The following NHSL1 variants were observed in gnomAD, a reference collection of about 807,000 sequenced individuals.
The protein encoded by NHSL1 is NHS like 1, also known as NHS-like protein 1.
NHSL1 carries 48 observed loss-of-function variants against 95.0 expected under a neutral mutation model. That is an observed-to-expected ratio of 0.51 (90% CI 0.40 to 0.64). The LOEUF (loss-of-function observed/expected upper bound fraction) is 0.64, where lower values mean the gene tolerates loss of function less well. Among genes scored for constraint, NHSL1 ranks in the 30% least tolerant of loss-of-function variants. NHSL1 has a pLI of 0.00. For missense variants in NHSL1, 1,971 were observed against 2,077.7 expected (o/e 0.95, Z 1.00); for synonymous variants, 783 against 833.9 (o/e 0.94, Z 1.05).
rs749650141 is a variant in NHSL1 at position 138,430,396 on chromosome 6, C to A, written c.3949G>T (p.Ala1317Ser). 5 of 1,473,400 alleles carry A rather than the reference C, an allele frequency of 3.4e-6. No individual in the cohort carries two copies. Among genetic ancestry groups the A allele is most frequent in the African/African-American group, 2.8e-5 (2 of 70,968 alleles). The allele number at this position is 1,473,400 out of a possible 1,614,324, so 91.3% of individuals were successfully genotyped here. A position where few individuals can be genotyped will look rare whatever the true frequency, so the allele number is the denominator to read the frequency against. ...GAAGCCAGGAAGCCAGACTCACCTGCTCCGTCCTGTTGAGATAGGCAGCTC... is the reference window on the plus strand; with the variant it reads ...GAAGCCAGGAAGCCAGACTCACCTGATCCGTCCTGTTGAGATAGGCAGCTC... ...GESCLSQQDG[A>S]AGVPETNAAG... is the part of the protein sequence containing the mutation. Residue 1317 changes from alanine (A) to serine (S), a missense_variant, in exon 6 of 8, where the codon GCA (alanine) becomes TCA (serine). Transcript: ENST00000343505. The surrounding 1 kb of genome is among the most constrained non-coding windows in gnomAD (Gnocchi z 4.7).
chr6:138,427,110 G>C (rs1178725357), intron 7 of NHSL1, among the ~76,000 whole-genome samples: 1 of 152,172 alleles, frequency 6.6e-6, no homozygotes, highest in African/African-American at 2.4e-5. Flanking sequence ...GGTATTGGCT[G>C]GTGACTTAAT....
chr6:138,545,772 C>G, upstream of NHSL1: 5 of 1,204,950 alleles, frequency 4.1e-6, no homozygotes, highest in Non-Finnish European at 4.2e-6. Context: ...GCCTGTTACT[C>G]CAGGAAGCCA....
At chr6:138,539,034 C>A (rs959802233) in intron 1 of NHSL1, among the ~76,000 whole-genome samples, 9 of 151,880 alleles carry the variant, frequency 5.9e-5, no homozygotes, top group Admixed American at 3.3e-4. Flanking sequence ...GTAACAACAA[C>A]AAAAAAAGTT....
intron 1 of NHSL1, among the ~76,000 whole-genome samples, chr6:138,690,204 GAAC>G (rs965480909): frequency 6.6e-6 from 1 of 152,180 alleles, no homozygotes; most frequent in Non-Finnish European, 1.5e-5. Flanking sequence ...TAAAATGGCA[GAAC>G]AACTTCAAAC....
rs1392603643 is a variant in NHSL1, at chr6:138,692,338, G to A, written c.96+138C>T. ...CTGCCCAGCCTCCCGCTGGGGTCCGGCAGTCCCCACTGGAGACCCCGACAT... is the reference window on the plus strand; with the variant it reads ...CTGCCCAGCCTCCCGCTGGGGTCCGACAGTCCCCACTGGAGACCCCGACAT... On this transcript the variant is annotated intron_variant, in intron 1 of 3. Coordinates refer to the NHSL1 transcript ENST00000491526. This position sits in a 1 kb window ranked among gnomAD's most constrained non-coding sequence, Gnocchi z 4.0. 1.6e-5 allele frequency: 6 copies of A among 366,552 alleles called. No individual in the cohort carries two copies. Among genetic ancestry groups the A allele is most frequent in the African/African-American group, 1.1e-4 (5 of 46,984 alleles). 22.7% of individuals were successfully genotyped at this position (366,552 alleles called of 1,614,324 possible). A position where few individuals can be genotyped will look rare whatever the true frequency, so the allele number is the denominator to read the frequency against.
At chr6:138,600,361 G>A (rs1225440294) in intron 1 of NHSL1, among the ~76,000 whole-genome samples, 1 of 152,146 alleles carries the variant, frequency 6.6e-6, no homozygotes, top group Non-Finnish European at 1.5e-5. Flanking sequence ...AGCCTCCTAA[G>A]TAGTTGGGAC....
At chr6:138,449,706 G>A (rs888908655) in intron 3 of NHSL1, among the ~76,000 whole-genome samples, 2 of 151,986 alleles carry the variant, frequency 1.3e-5, no homozygotes, top group African/African-American at 4.8e-5. Context: ...GGATATGGAG[G>A]TGGTGCTGAT....
intron 1 of NHSL1, among the ~76,000 whole-genome samples, chr6:138,587,467 C>A (rs1342580604): frequency 6.9e-6 from 1 of 144,208 alleles, no homozygotes; most frequent in Admixed American, 7.0e-5. Flanking sequence ...CCTGCAATCC[C>A]AGCTACTCGG....
chr6:138,496,391 AT>A lies in NHSL1; in HGVS notation c.59-21del, dbSNP rs376723036. The A allele has an allele frequency of 1.9e-4, 287 of 1,549,364 alleles. 1 individual carries two copies. The African/African-American group carries it at 3.1e-3, about 17-fold the overall frequency. On this transcript the variant is annotated intron_variant, in intron 1 of 7. Coordinates refer to ENST00000343505, the MANE Select transcript of NHSL1 (RefSeq NM_001144060.2). ...AAACCGCTATAGAAAAAAAGATAGAATACATTCAGGTGTCAACTTCATTGGC... is the reference window on the plus strand; with the variant it reads ...AAACCGCTATAGAAAAAAAGATAGAAACATTCAGGTGTCAACTTCATTGGC...
intron 1 of NHSL1, among the ~76,000 whole-genome samples, chr6:138,577,756 T>G (rs944028403): frequency 6.6e-6 from 1 of 152,188 alleles, no homozygotes; most frequent in Non-Finnish European, 1.5e-5. Context: ...TACACTTAAA[T>G]GGAAATCTTT....
Position 138,464,145 on chromosome 6 carries a change from G to A in NHSL1, c.339+9161C>T, listed in dbSNP as rs144849551. 39 of 580,342 alleles carry A rather than the reference G, an allele frequency of 6.7e-5. 1 individual carries two copies. The highest frequency in any genetic ancestry group is 9.6e-5 in the African/African-American group (5 of 52,346). 35.9% of individuals were successfully genotyped at this position (580,342 alleles called of 1,614,324 possible). On this transcript the variant is annotated intron_variant, in intron 3 of 7. Coordinates refer to ENST00000343505, the MANE Select transcript of NHSL1 (RefSeq NM_001144060.2). Reference sequence around the variant, plus strand: ...GCTATCTGGTCCTCGATCTCACTCCGTTGTTTCTGATGGGAAGCAGTACAG... The same window carrying A: ...GCTATCTGGTCCTCGATCTCACTCCATTGTTTCTGATGGGAAGCAGTACAG...
At position 138,424,241 on chromosome 6, in the gene NHSL1, C is replaced by A; in HGVS notation, c.4661G>T (p.Gly1554Val). 1 of 1,506,408 alleles carries A rather than the reference C, an allele frequency of 6.6e-7. No homozygotes were observed. Among genetic ancestry groups the A allele is most frequent in the Non-Finnish European group, 8.9e-7 (1 of 1,127,636 alleles). The allele number at this position is 1,506,408 out of a possible 1,614,324, so 93.3% of individuals were successfully genotyped here. ...LGAAEGCSLD[G>V]LAREEMDEGG... is the part of the protein sequence containing the mutation. ...CTCGTCCATCTCCTCCCTCGCCAGTCCGTCCAGGGAACATCCCTCCGCAGC... is the reference window on the plus strand; with the variant it reads ...CTCGTCCATCTCCTCCCTCGCCAGTACGTCCAGGGAACATCCCTCCGCAGC... The change falls in exon 8 of 8, where the codon GGA (glycine) becomes GTA (valine). Residue 1554 changes from glycine (G) to valine (V), a missense_variant. Physicochemically the swap from Gly to Val is moderately radical, Grantham distance 109 (BLOSUM62 -3). Around this residue, in one of 3 missense-constraint regions of NHSL1, gnomAD observed 223 missense variants for 217.0 expected, o/e 1.03. Coordinates refer to ENST00000343505, the MANE Select transcript of NHSL1 (RefSeq NM_001144060.2). This position sits in a 1 kb window ranked among gnomAD's most constrained non-coding sequence, Gnocchi z 5.9.
At chr6:138,574,185 C>T (rs978195333), upstream of NHSL1, among the ~76,000 whole-genome samples, 2 of 152,158 alleles carry the variant, frequency 1.3e-5, no homozygotes, top group African/African-American at 4.8e-5. Flanking sequence ...CCTGCCTTGG[C>T]CTCCCAAGGT....
At chr6:138,630,220 A>G (rs1266498345) in intron 1 of NHSL1, among the ~76,000 whole-genome samples, 2 of 150,952 alleles carry the variant, frequency 1.3e-5, no homozygotes, top group Non-Finnish European at 2.9e-5. Context: ...GCCCACTCCC[A>G]CCAAAAAAAA....
At chr6:138,658,053 C>T (rs1274254804) in intron 1 of NHSL1, among the ~76,000 whole-genome samples, 4 of 151,936 alleles carry the variant, frequency 2.6e-5, no homozygotes, top group Admixed American at 6.6e-5. Flanking sequence ...AGCCATCTCC[C>T]GAAAATGAAG....
intron 7 of NHSL1, among the ~76,000 whole-genome samples, chr6:138,425,532 C>A (rs1486651202): frequency 6.6e-6 from 1 of 152,198 alleles, no homozygotes; most frequent in African/African-American, 2.4e-5. Context: ...TCCACCCTCC[C>A]TATTTGAAAC....
At chr6:138,533,924 T>C (rs751841549) in intron 1 of NHSL1, among the ~76,000 whole-genome samples, 1 of 152,210 alleles carries the variant, frequency 6.6e-6, no homozygotes, top group Non-Finnish European at 1.5e-5. Context: ...TGAGACTCAT[T>C]TGTTCTGAAT....
intron 4 of NHSL1, among the ~76,000 whole-genome samples, chr6:138,442,459 T>C (rs1041124376): frequency 1.3e-5 from 2 of 152,232 alleles, no homozygotes; most frequent in African/African-American, 4.8e-5. Flanking sequence ...CCAAAACCAC[T>C]CTACATTAGC....
At chr6:138,644,545 GAAAAAGTCATCTGTATTGAAAAGTTTAA>G (rs1424806003) in intron 1 of NHSL1, among the ~76,000 whole-genome samples, 1 of 152,076 alleles carries the variant, frequency 6.6e-6, no homozygotes, top group Non-Finnish European at 1.5e-5. Context: ...TCACATAGTT[GAAAAAGTCATCTGTATTGAAAAGTTTAA>G]AAACATAAAA....
Sources: gnomAD v4.1 joint callset for allele counts (sites outside exome capture counted in the v4.1 genomes callset) on GRCh38, gnomAD v4.1.1 for gene constraint, gnomAD v4.1.1 regional missense constraint, Gnocchi (gnomAD v3.1) non-coding constraint, MANE v1.5 for transcripts, NCBI Gene and HGNC (gene_info 2026-07-23, HGNC 2026-07-21) for gene names.